RIMKLB: variants seen among roughly 807,000 people sequenced by gnomAD.
RIMKLB encodes ribosomal modification protein rimK like family member B, also known as beta-citrylglutamate synthase B.
In RIMKLB, 7 loss-of-function variants were observed where a neutral mutation model predicts 32.0. The ratio of observed to expected loss-of-function variants is 0.22; its 90% CI spans 0.12 to 0.41. The LOEUF (loss-of-function observed/expected upper bound fraction) is 0.41. RIMKLB is among the 10% of genes least tolerant of loss of function. The pLI is 1.00. For synonymous variants in RIMKLB, 172 were observed against 185.1 expected, an observed-to-expected ratio of 0.93 and a Z score of 0.57; for missense variants, 289 against 498.7, an observed-to-expected ratio of 0.58 and a Z score of 4.00.
the RIMKLB span, among the ~76,000 whole-genome samples, chr12:8,675,552 C>T: frequency 6.6e-6 from 1 of 152,132 alleles, no homozygotes; most frequent in Non-Finnish European, 1.5e-5. Flanking sequence ...CTAAAATAAT[C>T]AAAAGGGTCA....
intron 1 of RIMKLB, among the ~76,000 whole-genome samples, chr12:8,707,927 T>C (rs1944040310): frequency 2.0e-5 from 3 of 152,356 alleles, no homozygotes; most frequent in South Asian, 4.1e-4. Context: ...TTTAGTATTA[T>C]TATTTTTTAT....
chr12:8,732,526 G>T (rs943052240), intron 2 of RIMKLB, among the ~76,000 whole-genome samples: 7 of 152,162 alleles, frequency 4.6e-5, no homozygotes, highest in East Asian at 1.9e-4. Flanking sequence ...TTTTGGGGTG[G>T]TGTTACCTCT....
chr12:8,714,007 T>C lies in RIMKLB; in HGVS notation c.141T>C (p.Asp47=). The change falls in exon 2 of 6, where the codon GAT becomes GAC. Residue 47 remains aspartate (D), a synonymous_variant. Transcript: ENST00000535829. ...EELDFRAVVM[D]EVVLTIEQGN... Reference sequence around the variant, plus strand: ...TGGACTTTAGGGCTGTGGTGATGGATGAGGTGGTGCTGACAATCGAGCAAG... The same window carrying C: ...TGGACTTTAGGGCTGTGGTGATGGACGAGGTGGTGCTGACAATCGAGCAAG... The C allele has an allele frequency of 6.2e-7, 1 of 1,614,034 alleles. No homozygotes were observed. The highest frequency in any genetic ancestry group is 8.5e-7 in the Non-Finnish European group (1 of 1,179,950).
chr12:8,673,035 C>T, the RIMKLB span, among the ~76,000 whole-genome samples: 1 of 152,174 alleles, frequency 6.6e-6, no homozygotes, highest in African/African-American at 2.4e-5. Flanking sequence ...GTGCCCGCCA[C>T]CATGCCCAGC....
intron 2 of RIMKLB, among the ~76,000 whole-genome samples, chr12:8,715,522 C>T (rs1184675482): frequency 6.6e-6 from 1 of 152,152 alleles, no homozygotes; most frequent in East Asian, 1.9e-4. Context: ...CCATGCCCAC[C>T]TACTCTTGTT....
intron 2 of RIMKLB, among the ~76,000 whole-genome samples, chr12:8,733,742 A>G (rs1269469924): frequency 6.6e-6 from 1 of 152,118 alleles, no homozygotes; most frequent in Non-Finnish European, 1.5e-5. Context: ...AATTAGCCGG[A>G]CGTGATGGTG....
chr12:8,672,621 A>G, the RIMKLB span, among the ~76,000 whole-genome samples: 1 of 151,918 alleles, frequency 6.6e-6, no homozygotes, highest in Admixed American at 6.6e-5. Flanking sequence ...CCATGATACA[A>G]TTACCTCCCC....
At chr12:8,755,749 T>G (rs1948971724) in intron 5 of RIMKLB, among the ~76,000 whole-genome samples, 3 of 152,126 alleles carry the variant, frequency 2.0e-5, no homozygotes, top group African/African-American at 7.2e-5. Context: ...TGGCTCACAC[T>G]GGTAATCCCA....
chr12:8,763,772 A>G (rs1241553813), intron 5 of RIMKLB, among the ~76,000 whole-genome samples: 1 of 152,236 alleles, frequency 6.6e-6, no homozygotes, highest in African/African-American at 2.4e-5. Flanking sequence ...AGTGTCCTTC[A>G]GTATGAGAAC....
intron 1 of RIMKLB, among the ~76,000 whole-genome samples, chr12:8,682,288 A>T (rs1033022093): frequency 2.6e-5 from 4 of 152,178 alleles, no homozygotes; most frequent in African/African-American, 9.6e-5. Flanking sequence ...TTTTCTTTCC[A>T]AGGGGTTTAC....
chr12:8,734,571 T>C (rs768385394), intron 2 of RIMKLB, among the ~76,000 whole-genome samples: 2 of 152,304 alleles, frequency 1.3e-5, no homozygotes, highest in South Asian at 2.1e-4. Flanking sequence ...GGAATCAAGC[T>C]ATATTTGGAC....
intron 2 of RIMKLB, among the ~76,000 whole-genome samples, chr12:8,747,181 A>G (rs1948175761): frequency 6.6e-6 from 1 of 152,224 alleles, no homozygotes; most frequent in African/African-American, 2.4e-5. Context: ...GGCAATATCC[A>G]GCACAGACTC....
chr12:8,679,354 C>T (rs1055336684), upstream of RIMKLB: 2 of 152,174 alleles, frequency 1.3e-5, no homozygotes, highest in African/African-American at 2.4e-5. Context: ...ACGTGCCTGA[C>T]TAATTTTTGT....
At chr12:8,769,936 T>G (rs1486489686) in intron 5 of RIMKLB, among the ~76,000 whole-genome samples, 2 of 152,178 alleles carry the variant, frequency 1.3e-5, no homozygotes, top group Non-Finnish European at 2.9e-5. Flanking sequence ...TAGTTTCAAG[T>G]ACCTCCAAAG....
intron 2 of RIMKLB, among the ~76,000 whole-genome samples, chr12:8,747,860 AT>A (rs1948238512): frequency 2.6e-5 from 4 of 151,786 alleles, no homozygotes; most frequent in Admixed American, 2.6e-4. Flanking sequence ...AGTTGAAGCG[AT>A]TCTCCAGCCT....
At chr12:8,731,592 A>T (rs1946552182) in intron 2 of RIMKLB, among the ~76,000 whole-genome samples, 1 of 152,056 alleles carries the variant, frequency 6.6e-6, no homozygotes, top group Non-Finnish European at 1.5e-5. Flanking sequence ...GTGTGCCTGG[A>T]AATGTCTTTA....
chr12:8,749,770 A>G, intron 2 of RIMKLB, 92 bp from the exon 3 acceptor site: 1 of 809,804 alleles, frequency 1.2e-6, no homozygotes, highest in African/African-American at 1.7e-5. Context: ...AGTACATTTC[A>G]TTTTGTGATC....
rs1289368712 is a variant in RIMKLB, at chr12:8,698,969, A to C, written c.-57+672A>C. ...TGCCCCTCACCCCCCCCCAAAAAAA[A>C]CCCAAACCAGAGTGGTAATAATTTC... On this transcript the variant is annotated intron_variant, in intron 1 of 5. Transcript: ENST00000535829. Among the ~76,000 whole-genome samples the C allele has an allele frequency of 5.9e-5, 9 of 151,754 alleles. No individual in the cohort carries two copies. In the South Asian group the frequency reaches 1.7e-3, roughly 28 times the overall value.
chr12:8,670,052 G>A, the RIMKLB span, among the ~76,000 whole-genome samples: 141 of 115,644 alleles, frequency 1.2e-3, no homozygotes, highest in East Asian at 7.5e-3. Flanking sequence ...AAAAAAAAAA[G>A]AAGGAATCAA....
Sources: gnomAD v4.1 joint callset for allele counts (sites outside exome capture counted in the v4.1 genomes callset) on GRCh38, gnomAD v4.1.1 for gene constraint, MANE v1.5 for transcripts, NCBI Gene and HGNC (gene_info 2026-07-23, HGNC 2026-07-21) for gene names.